EFNB1: variants seen among roughly 807,000 people sequenced by gnomAD.
EFNB1 encodes the protein ephrin-B1.
A neutral mutation model predicts 18.1 loss-of-function variants in EFNB1; 1 was observed. The ratio of observed to expected loss-of-function variants is 0.06; its 90% CI spans 0.02 to 0.26. EFNB1 has a LOEUF of 0.26. Among genes scored for constraint, EFNB1 ranks in the 10% least tolerant of loss-of-function variants. The pLI is 1.00. For missense variants in EFNB1, 221 were observed against 301.8 expected, an observed-to-expected ratio of 0.73 and a Z score of 1.98; for synonymous variants, 131 against 127.5, an observed-to-expected ratio of 1.03 and a Z score of -0.19.
chrX:68,837,535 C>T (rs1043179371), intron 1 of EFNB1, among the ~76,000 whole-genome samples: 5 of 112,523 alleles, frequency 4.4e-5, no homozygotes, highest in Non-Finnish European at 9.4e-5. Flanking sequence ...TTCTGCCTTG[C>T]TCTCAGCACC....
Position 68,840,617 on chromosome X carries a change from C to T in EFNB1, c.1004C>T (p.Pro335Leu), listed in dbSNP as rs370690590. Residue 335 changes from proline (P) to leucine (L), a missense_variant, in exon 5 of 5, where the codon CCG becomes CTG. By Grantham distance (98) the Pro-to-Leu change is moderately conservative (BLOSUM62 -3). Transcript: ENST00000204961. ...GHPVYIVQEMPPQSPANIYYK... is the reference protein window; with the variant it reads ...GHPVYIVQEMLPQSPANIYYK... ...CCTGTCTACATCGTCCAAGAGATGC[C>T]GCCCCAGAGCCCGGCGAACATCTAC... The T allele has an allele frequency of 7.4e-6, 9 of 1,208,915 alleles. No individual in the cohort carries two copies. Among genetic ancestry groups the T allele is most frequent in the South Asian group, 1.8e-5 (1 of 56,324 alleles).
Position 68,829,848 on chromosome X carries a change from C to T in EFNB1, c.72C>T (p.Leu24=), listed in dbSNP as rs764672146. Residue 24 remains leucine, a synonymous_variant, in exon 1 of 5, where the codon CTC becomes CTT. Transcript: ENST00000204961. ...TGGTCGTGTGGGCGCTGTGCCGGCT[C>T]GCCACACCGCTGGCCAAGAACCTGG... The part of the protein sequence containing the change: ...VAMVVWALCR[L]ATPLAKNLEP... 16 of 1,172,911 alleles carry T rather than the reference C, an allele frequency of 1.4e-5. No individual in the cohort carries two copies. In the South Asian group the frequency reaches 1.7e-4, roughly 12 times the overall value.
chrX:68,841,009 T>C lies in EFNB1; in HGVS notation c.*355T>C. ...CACCTTCCCAGGACTGCTTGTCCGCTATCATCACTGTTTTTAATGCTTTTG... is the reference window on the plus strand; with the variant it reads ...CACCTTCCCAGGACTGCTTGTCCGCCATCATCACTGTTTTTAATGCTTTTG... On this transcript the variant is annotated 3_prime_UTR_variant, in exon 5 of 5. Transcript: ENST00000204961. 3.7e-6 allele frequency: 1 copy of C among 271,856 alleles called. No homozygotes were observed. Among genetic ancestry groups the C allele is most frequent in the Non-Finnish European group, 6.6e-6 (1 of 152,003 alleles). The allele number at this position is 271,856 out of a possible 1,213,427, so 22.4% of individuals were successfully genotyped here.
chrX:68,839,553 C>T (rs1295552544), intron 2 of EFNB1, 111 bp from the exon 3 acceptor site: 8 of 706,992 alleles, frequency 1.1e-5, no homozygotes, highest in Non-Finnish European at 1.3e-5. Flanking sequence ...TTGCTTCTCC[C>T]GACTGCAGTT....
At chrX:68,836,076 G>A (rs1238550082) in intron 1 of EFNB1, among the ~76,000 whole-genome samples, 1 of 111,562 alleles carries the variant, frequency 9.0e-6, no homozygotes, top group Admixed American at 9.5e-5. Flanking sequence ...AATGTTTTAG[G>A]GCCTCTTAGA....
At chrX:68,832,491 C>T (rs1391412339) in intron 1 of EFNB1, among the ~76,000 whole-genome samples, 2 of 111,093 alleles carry the variant, frequency 1.8e-5, no homozygotes, top group African/African-American at 6.6e-5. Context: ...CTCCCAGTGC[C>T]TATAAACCCT....
In EFNB1 at chrX:68,829,565, C is replaced by T; in HGVS notation, c.-212C>T. The T allele has an allele frequency of 1.8e-6, 1 of 563,698 alleles. No homozygotes were observed. Among genetic ancestry groups the T allele is most frequent in the South Asian group, 3.0e-5 (1 of 33,465 alleles). 46.5% of individuals were successfully genotyped at this position (563,698 alleles called of 1,213,427 possible). ...GAGCCCTCGGGGGCCGAAGCCCATG[C>T]CCGGGTTGGGGGCGGCTGCCCAGTG... On this transcript the variant is annotated 5_prime_UTR_variant, in exon 1 of 5. Coordinates refer to ENST00000204961, the MANE Select transcript of EFNB1 (RefSeq NM_004429.5).
chrX:68,832,374 CCT>C (rs1226828505), intron 1 of EFNB1, among the ~76,000 whole-genome samples: 1 of 110,835 alleles, frequency 9.0e-6, no homozygotes, highest in African/African-American at 3.3e-5. Context: ...CCGTGCTCTC[CCT>C]CTCAGGCTCA....
intron 1 of EFNB1, among the ~76,000 whole-genome samples, chrX:68,833,877 G>A (rs929407815): frequency 1.1e-4 from 12 of 112,711 alleles, no homozygotes; most frequent in Middle Eastern, 4.6e-3. Context: ...AACAACCCTG[G>A]GAAGTAGGTA....
chrX:68,835,542 C>G (rs900909786), intron 1 of EFNB1, among the ~76,000 whole-genome samples: 1 of 110,983 alleles, frequency 9.0e-6, no homozygotes, highest in African/African-American at 3.3e-5. Flanking sequence ...CCTTATGGCC[C>G]GTTACCACTC....
At position 68,840,857 on chromosome X, in the gene EFNB1, C is replaced by T; in HGVS notation, c.*203C>T. On this transcript the variant is annotated 3_prime_UTR_variant, in exon 5 of 5. Coordinates refer to ENST00000204961, the MANE Select transcript of EFNB1 (RefSeq NM_004429.5). The stretch of plus-strand genomic sequence containing the variant: ...TGCCCCTAACCCCCATGCTCTTGTG[C>T]CTTCCCCCTCTGGCCAGGCCTCTGG... 1 of 466,106 alleles carries T rather than the reference C, an allele frequency of 2.1e-6. No individual in the cohort carries two copies. The highest frequency in any genetic ancestry group is 3.7e-6 in the Non-Finnish European group (1 of 273,252). 38.4% of individuals were successfully genotyped at this position (466,106 alleles called of 1,213,427 possible).
Position 68,829,805 on chromosome X carries a change from G to A in EFNB1, c.29G>A (p.Gly10Asp), listed in dbSNP as rs866889834. ...GCTCGGCCTGGGCAGCGTTGGCTCG[G>A]CAAGTGGCTTGTGGCGATGGTCGTG... MARPGQRWL[G>D]KWLVAMVVWA... The change falls in exon 1 of 5, where the codon GGC becomes GAC. Residue 10 changes from glycine (G) to aspartate (D), a missense_variant. Transcript: ENST00000204961. The A allele has an allele frequency of 8.4e-7, 1 of 1,191,115 alleles. No individual in the cohort carries two copies. The highest frequency in any genetic ancestry group is 1.7e-5 in the African/African-American group (1 of 57,534).
chrX:68,838,172 T>TGC (rs773925031), intron 1 of EFNB1, among the ~76,000 whole-genome samples: 34 of 31,748 alleles, frequency 1.1e-3, no homozygotes, highest in Admixed American at 1.3e-3. Flanking sequence ...TGTGTGTGTG[T>TGC]GCGCGCGCGC....
intron 1 of EFNB1, among the ~76,000 whole-genome samples, chrX:68,832,811 C>CGTGTGT (rs3085479): frequency 0.022 from 2,114 of 97,308 alleles, 35 homozygotes; most frequent in African/African-American, 0.042. Flanking sequence ...TCTGTGTGTG[C>CGTGTGT]GTGTGTGTGT....
At chrX:68,834,667 C>G (rs893531158) in intron 1 of EFNB1, among the ~76,000 whole-genome samples, 2 of 112,936 alleles carry the variant, frequency 1.8e-5, no homozygotes, top group Admixed American at 1.8e-4. Context: ...GGTCTGTCCT[C>G]CATTGGTCTT....
chrX:68,835,022 C>T (rs935036882), intron 1 of EFNB1, among the ~76,000 whole-genome samples: 1 of 112,251 alleles, frequency 8.9e-6, no homozygotes, highest in Non-Finnish European at 1.9e-5. Context: ...GGCTACTGTC[C>T]CCAACCCCTT....
chrX:68,840,337 G>A lies in EFNB1; in HGVS notation c.724G>A (p.Ala242Thr), dbSNP rs755591908. Residue 242 changes from alanine to threonine, a missense_variant, in exon 5 of 5, where the codon GCG becomes ACG. Ala to Thr is a moderately conservative substitution (Grantham distance 58, BLOSUM62 0). Transcript: ENST00000204961. ...CTTCAACTCCAAGGTGGCATTGTTC[G>A]CGGCTGTCGGTGCCGGTTGCGTCAT... ...GFFNSKVALF[A>T]AVGAGCVIFL... is the part of the protein sequence containing the mutation. The A allele has an allele frequency of 1.1e-5, 13 of 1,210,109 alleles. No homozygotes were observed. Among genetic ancestry groups the A allele is most frequent in the South Asian group, 5.3e-5 (3 of 56,789 alleles).
rs775252862 is a variant in EFNB1, at chrX:68,840,700, C to G, written c.*46C>G. 3 of 1,164,683 alleles carry G rather than the reference C, an allele frequency of 2.6e-6. No individual in the cohort carries two copies. In the African/African-American group the frequency reaches 5.3e-5, roughly 20 times the overall value. On this transcript the variant is annotated 3_prime_UTR_variant, in exon 5 of 5. Coordinates refer to ENST00000204961, the MANE Select transcript of EFNB1 (RefSeq NM_004429.5). Reference sequence around the variant, plus strand: ...CCCCCGAGGGACAGTCGGCCTGGACCGGACCTCTCCTTTCGCCCCCACACC... The same window carrying G: ...CCCCCGAGGGACAGTCGGCCTGGACGGGACCTCTCCTTTCGCCCCCACACC...
intron 1 of EFNB1, among the ~76,000 whole-genome samples, chrX:68,832,117 C>A (rs4844294): frequency 9.1e-6 from 1 of 109,989 alleles, no homozygotes; most frequent in Non-Finnish European, 1.9e-5. Context: ...CTTCTGCCAC[C>A]GCGCCCAACC....
Sources: allele counts gnomAD v4.1 joint callset (sites outside exome capture counted in the v4.1 genomes callset), GRCh38; gene constraint gnomAD v4.1.1; transcripts MANE v1.5; gene names NCBI Gene and HGNC (gene_info 2026-07-23, HGNC 2026-07-21).